The following SUMF1 variants were observed in gnomAD, a reference collection of about 807,000 sequenced individuals.
SUMF1 encodes sulfatase modifying factor 1.
SUMF1 carries 48 observed loss-of-function variants against 47.6 expected under a neutral mutation model. That is an observed-to-expected ratio of 1.01 (90% CI 0.80 to 1.28). SUMF1 has a LOEUF of 1.28. Among genes scored for constraint, SUMF1 ranks in the 50% most tolerant of loss-of-function variants. The pLI is 0.00. For synonymous variants in SUMF1, 230 were observed against 192.1 expected, an observed-to-expected ratio of 1.20 and a Z score of -1.63; for missense variants, 571 against 485.4, an observed-to-expected ratio of 1.18 and a Z score of -1.66.
intron 8 of SUMF1, among the ~76,000 whole-genome samples, chr3:4,099,707 C>G (rs1213710547): frequency 6.6e-6 from 1 of 151,782 alleles, no homozygotes; most frequent in Admixed American, 6.6e-5. Flanking sequence ...TATAGAAAAT[C>G]CTAAAGACTC....
intron 8 of SUMF1, among the ~76,000 whole-genome samples, chr3:4,125,535 C>T (rs1014370242): frequency 7.2e-5 from 11 of 152,138 alleles, no homozygotes; most frequent in African/African-American, 2.7e-4. Flanking sequence ...CAAACTTTCT[C>T]CTTCTTATTT....
At chr3:4,435,217 G>C (rs560032856) in intron 3 of SUMF1, among the ~76,000 whole-genome samples, 4 of 152,128 alleles carry the variant, frequency 2.6e-5, no homozygotes, top group African/African-American at 4.8e-5. Context: ...TTGAGCCACC[G>C]GGCCCAGACA....
intron 8 of SUMF1, among the ~76,000 whole-genome samples, chr3:4,110,113 T>C (rs1203648098): frequency 6.6e-6 from 1 of 152,142 alleles, no homozygotes; most frequent in South Asian, 2.1e-4. Context: ...GGTGTGGATG[T>C]CCTTTCTGTT....
chr3:4,264,849 C>T (rs1697156731), intron 8 of SUMF1, among the ~76,000 whole-genome samples: 1 of 152,148 alleles, frequency 6.6e-6, no homozygotes, highest in South Asian at 2.1e-4. Context: ...ACATTTTGGA[C>T]ACAGCCAGGA....
intron 8 of SUMF1, among the ~76,000 whole-genome samples, chr3:4,081,799 A>G (rs1286417893): frequency 1.3e-5 from 2 of 152,140 alleles, no homozygotes; most frequent in Admixed American, 6.5e-5. Flanking sequence ...TGCAGCCACA[A>G]AAGTATTTTG....
At chr3:4,445,614 G>T (rs926705427) in intron 3 of SUMF1, among the ~76,000 whole-genome samples, 1 of 152,078 alleles carries the variant, frequency 6.6e-6, no homozygotes, top group East Asian at 1.9e-4. Flanking sequence ...CAAAGTGCTG[G>T]GATTGTGGGC....
intron 8 of SUMF1, among the ~76,000 whole-genome samples, chr3:4,167,435 A>G (rs1245773617): frequency 6.6e-6 from 1 of 152,074 alleles, no homozygotes; most frequent in Non-Finnish European, 1.5e-5. Context: ...CATTTTACAG[A>G]GTGCTGATTG....
At chr3:4,419,148 T>G (rs555535972) in intron 4 of SUMF1, among the ~76,000 whole-genome samples, 1 of 152,216 alleles carries the variant, frequency 6.6e-6, no homozygotes, top group Non-Finnish European at 1.5e-5. Flanking sequence ...CTTCCTCCCT[T>G]AGCATTTTCC....
chr3:4,287,667 A>G (rs1697659559), intron 8 of SUMF1, among the ~76,000 whole-genome samples: 2 of 152,236 alleles, frequency 1.3e-5, no homozygotes, highest in South Asian at 4.1e-4. Context: ...ATTTGCACAG[A>G]CATTGAATAT....
intron 7 of SUMF1, among the ~76,000 whole-genome samples, chr3:4,383,829 A>C (rs56365032): frequency 0.41 from 61,936 of 151,948 alleles, 13,967 homozygotes; most frequent in African/African-American, 0.59. Flanking sequence ...CAGAAACTTC[A>C]TGTCTTCTGC....
At chr3:4,324,932 G>T (rs886172028) in intron 8 of SUMF1, among the ~76,000 whole-genome samples, 6 of 152,034 alleles carry the variant, frequency 3.9e-5, no homozygotes, top group African/African-American at 1.4e-4. Flanking sequence ...GAGGTTTAAT[G>T]GACTCACAAT....
chr3:4,330,882 TC>T (rs1699037056), intron 8 of SUMF1, among the ~76,000 whole-genome samples: 1 of 152,278 alleles, frequency 6.6e-6, no homozygotes. Flanking sequence ...AAGTAAGATT[TC>T]CATAAGTCTT....
At chr3:4,354,901 C>G (rs1699584485) in intron 8 of SUMF1, among the ~76,000 whole-genome samples, 1 of 152,204 alleles carries the variant, frequency 6.6e-6, no homozygotes, top group South Asian at 2.1e-4. Context: ...CTCATATCTC[C>G]CCACAACCCC....
chr3:4,391,023 T>C (rs1278526425), intron 7 of SUMF1, among the ~76,000 whole-genome samples: 1 of 152,226 alleles, frequency 6.6e-6, no homozygotes, highest in Non-Finnish European at 1.5e-5. Context: ...AGGATTGTTC[T>C]CCTGGATATA....
At chr3:4,170,684 T>C (rs558526881) in intron 8 of SUMF1, among the ~76,000 whole-genome samples, 4 of 152,224 alleles carry the variant, frequency 2.6e-5, no homozygotes, top group African/African-American at 9.6e-5. Flanking sequence ...CCATCACATA[T>C]ATAGTGAACT....
At chr3:4,265,679 T>G (rs1343758022) in intron 8 of SUMF1, among the ~76,000 whole-genome samples, 1 of 152,218 alleles carries the variant, frequency 6.6e-6, no homozygotes, top group Non-Finnish European at 1.5e-5. Flanking sequence ...TTTTCTGGGT[T>G]GCCTGTTCAC....
intron 8 of SUMF1, among the ~76,000 whole-genome samples, chr3:4,270,628 C>A (rs1697284494): frequency 6.6e-6 from 1 of 152,020 alleles, no homozygotes; most frequent in Non-Finnish European, 1.5e-5. Context: ...AGAAGAAGGT[C>A]GTCAAAAAAT....
At chr3:4,415,009 C>G (rs534607396) in intron 6 of SUMF1, 1 of 152,172 alleles carries the variant, frequency 6.6e-6, no homozygotes, top group African/African-American at 2.4e-5. Flanking sequence ...TTTGGGAGGT[C>G]AAGGCGGGAG....
chr3:4,161,440 G>C (rs1367903277), intron 8 of SUMF1, among the ~76,000 whole-genome samples: 1 of 152,154 alleles, frequency 6.6e-6, no homozygotes, highest in Non-Finnish European at 1.5e-5. Flanking sequence ...CTGGTAGCCA[G>C]GGCCTGGAGT....
Sources: allele counts gnomAD v4.1 joint callset (sites outside exome capture counted in the v4.1 genomes callset), GRCh38; gene constraint gnomAD v4.1.1; transcripts MANE v1.5; gene names NCBI Gene and HGNC (gene_info 2026-07-23, HGNC 2026-07-21).